Variants in ANKFN1 observed in about 807,000 individuals in gnomAD.
ANKFN1 encodes the protein ankyrin repeat and fibronectin type-III domain-containing protein 1.
In ANKFN1, 74 loss-of-function variants were observed where a neutral mutation model predicts 108.7. The observed-to-expected ratio is 0.68, with a 90% CI of 0.56 to 0.83. The LOEUF (loss-of-function observed/expected upper bound fraction) is 0.83. ANKFN1 is among the 40% of genes least tolerant of loss of function. The pLI, the probability that ANKFN1 is intolerant of heterozygous loss-of-function variation, is 0.00. For synonymous variants in ANKFN1, 547 were observed against 516.2 expected, an observed-to-expected ratio of 1.06 and a Z score of -0.81; for missense variants, 1,505 against 1,382.3, an observed-to-expected ratio of 1.09 and a Z score of -1.41.
At chr17:56,346,974 CCT>C (rs1239552794) in intron 4 of ANKFN1, among the ~76,000 whole-genome samples, 1 of 151,608 alleles carries the variant, frequency 6.6e-6, no homozygotes, top group African/African-American at 2.4e-5. Flanking sequence ...ATTTAAATTC[CCT>C]GAGTTTATTT....
intron 4 of ANKFN1, among the ~76,000 whole-genome samples, chr17:56,329,618 A>T (rs1275901196): frequency 6.6e-6 from 1 of 152,202 alleles, no homozygotes; most frequent in Non-Finnish European, 1.5e-5. Flanking sequence ...ACTACTCTTT[A>T]ATAGTGCCTC....
chr17:56,410,274 C>T (rs1007412392), intron 8 of ANKFN1, among the ~76,000 whole-genome samples: 2 of 152,050 alleles, frequency 1.3e-5, no homozygotes, highest in African/African-American at 4.8e-5. Flanking sequence ...ATGGGGGTTT[C>T]ACCATGTTGG....
At chr17:56,220,072 A>G (rs1915728358) in intron 2 of ANKFN1, among the ~76,000 whole-genome samples, 1 of 152,208 alleles carries the variant, frequency 6.6e-6, no homozygotes, top group Non-Finnish European at 1.5e-5. Context: ...TGTCTTCCGA[A>G]GGTGATGTGA....
At chr17:56,428,501 C>T (rs189841683) in intron 8 of ANKFN1, among the ~76,000 whole-genome samples, 98 of 122,208 alleles carry the variant, frequency 8.0e-4, no homozygotes, top group African/African-American at 2.3e-3. Flanking sequence ...CTCATTCTTT[C>T]GCCTAGGCTG....
intron 3 of ANKFN1, among the ~76,000 whole-genome samples, chr17:56,307,554 C>T (rs556537458): frequency 2.8e-4 from 43 of 152,200 alleles, no homozygotes; most frequent in African/African-American, 7.9e-4. Flanking sequence ...GTTAGAATGG[C>T]GATCATTAAA....
chr17:56,305,816 A>G (rs1377527968), intron 3 of ANKFN1, among the ~76,000 whole-genome samples: 1 of 152,194 alleles, frequency 6.6e-6, no homozygotes, highest in African/African-American at 2.4e-5. Context: ...TAAATTTCAT[A>G]TATAAGATGT....
At chr17:56,062,559 C>CTTTTTTTTTT (rs3085080) in intron 4 of ANKFN1, among the ~76,000 whole-genome samples, 1 of 134,514 alleles carries the variant, frequency 7.4e-6, no homozygotes, top group African/African-American at 3.0e-5. Context: ...GTAATCTCTG[C>CTTTTTTTTTT]TTTTTTTTTT....
intron 8 of ANKFN1, among the ~76,000 whole-genome samples, chr17:56,435,844 G>A (rs898544762): frequency 1.3e-5 from 2 of 151,890 alleles, no homozygotes; most frequent in African/African-American, 4.8e-5. Flanking sequence ...CTCTCCAAAA[G>A]CTGGCCTGCA....
intron 3 of ANKFN1, among the ~76,000 whole-genome samples, chr17:56,247,637 A>G (rs1162027263): frequency 6.6e-6 from 1 of 152,176 alleles, no homozygotes; most frequent in African/African-American, 2.4e-5. Context: ...GAAGAAATTG[A>G]AGGTCAAAGA....
At chr17:56,131,029 A>G (rs1406253579) in intron 4 of ANKFN1, among the ~76,000 whole-genome samples, 3 of 152,188 alleles carry the variant, frequency 2.0e-5, no homozygotes, top group Non-Finnish European at 4.4e-5. Context: ...CATCTGAGAC[A>G]AAGAGAGGAG....
intron 4 of ANKFN1, among the ~76,000 whole-genome samples, chr17:56,076,452 A>G (rs1157544012): frequency 6.6e-6 from 1 of 152,236 alleles, no homozygotes; most frequent in Non-Finnish European, 1.5e-5. Flanking sequence ...TATGTTATGA[A>G]GGTATAATTG....
At chr17:56,467,695 G>A (rs1598662285) in intron 15 of ANKFN1, among the ~76,000 whole-genome samples, 3 of 124,814 alleles carry the variant, frequency 2.4e-5, no homozygotes, top group Non-Finnish European at 5.2e-5. Flanking sequence ...AAAAAAGAAA[G>A]AAAAGAAAAG....
Position 56,491,048 on chromosome 17 carries a change from A to G in ANKFN1, c.2261-1139A>G, listed in dbSNP as rs548124937. Reference sequence around the variant, plus strand: ...CCTCATTGAGGTGTAGAGATGACCAATGCCCCATTTTGAGGTAGTGTGGTT... The same window carrying G: ...CCTCATTGAGGTGTAGAGATGACCAGTGCCCCATTTTGAGGTAGTGTGGTT... On this transcript the variant is annotated intron_variant, in intron 18 of 20. Coordinates refer to ENST00000682825, the MANE Select transcript of ANKFN1 (RefSeq NM_001370326.1). Among the ~76,000 whole-genome samples the G allele has an allele frequency of 8.5e-5, 13 of 152,266 alleles. No homozygotes were observed. The East Asian group carries it at 2.1e-3, about 25-fold the overall frequency.
chr17:56,396,177 G>A (rs867852930), intron 8 of ANKFN1, among the ~76,000 whole-genome samples: 1 of 152,112 alleles, frequency 6.6e-6, no homozygotes, highest in Non-Finnish European at 1.5e-5. Context: ...GGCCAGGCAC[G>A]GTGGCTCACA....
At chr17:56,203,271 T>C (rs897705255) in intron 1 of ANKFN1, among the ~76,000 whole-genome samples, 5 of 152,204 alleles carry the variant, frequency 3.3e-5, no homozygotes, top group Non-Finnish European at 7.3e-5. Flanking sequence ...TTAGGCCTTT[T>C]CATCCCCAGT....
intron 11 of ANKFN1, among the ~76,000 whole-genome samples, chr17:56,451,470 T>A (rs542068035): frequency 6.6e-6 from 1 of 152,308 alleles, no homozygotes; most frequent in South Asian, 2.1e-4. Context: ...TATTACAAAA[T>A]TTTTATTTAA....
intron 10 of ANKFN1, among the ~76,000 whole-genome samples, chr17:56,445,535 T>A (rs1217759896): frequency 6.6e-6 from 1 of 152,224 alleles, no homozygotes; most frequent in Non-Finnish European, 1.5e-5. Context: ...CTAACGTGGT[T>A]ATAGTTGTTG....
intron 1 of ANKFN1, among the ~76,000 whole-genome samples, chr17:56,187,393 C>A (rs1260575584): frequency 6.6e-6 from 1 of 152,218 alleles, no homozygotes; most frequent in African/African-American, 2.4e-5. Flanking sequence ...GAGATACCAT[C>A]TCATACCAGT....
Position 56,457,343 on chromosome 17 carries a change from ACT to A in ANKFN1, c.1398_1399del (p.Thr468GlnfsTer65), listed in dbSNP as rs2049742334. 6.2e-7 allele frequency: 1 copy of A among 1,607,670 alleles called. No homozygotes were observed. The highest frequency in any genetic ancestry group is 1.7e-5 in the Admixed American group (1 of 58,106). ...CAAGTACCAATTGTTGAAATAGATG[ACT>A]CTCACACCAGTTCTATTACACAAGA... On this transcript the variant is annotated frameshift_variant, in exon 13 of 21. Transcript: ENST00000682825. LOFTEE classifies it high-confidence loss of function.
Sources: allele counts gnomAD v4.1 joint callset (sites outside exome capture counted in the v4.1 genomes callset), GRCh38; gene constraint gnomAD v4.1.1; transcripts MANE v1.5; gene names NCBI Gene and HGNC (gene_info 2026-07-23, HGNC 2026-07-21).